WDR7: variants seen among roughly 807,000 people sequenced by gnomAD.
WDR7 encodes the protein WD repeat-containing protein 7.
A neutral mutation model predicts 169.4 loss-of-function variants in WDR7; 46 were observed. That is an observed-to-expected ratio of 0.27 (90% CI 0.21 to 0.35). WDR7 has a LOEUF of 0.35. Ranked by LOEUF, WDR7 falls within the 10% of genes least tolerant of loss-of-function variation. The probability of loss-of-function intolerance (pLI) is 1.00; values close to 1 mark genes in which losing one functional copy is unlikely to be tolerated. For missense variants in WDR7, 1,534 were observed against 1,859.3 expected (o/e 0.83, Z 3.22); for synonymous variants, 612 against 666.8 (o/e 0.92, Z 1.27).
In WDR7 at chr18:56,756,779, A is replaced by G; in HGVS notation, c.2186A>G (p.Lys729Arg). The change falls in exon 15 of 28, where the codon AAA becomes AGA. Residue 729 changes from lysine (K) to arginine (R), a missense_variant. Physicochemically the swap from Lys to Arg is conservative, Grantham distance 26. Coordinates refer to ENST00000254442, the MANE Select transcript of WDR7 (RefSeq NM_015285.3). ...CAAAAAGCATCTGGCAGTTCAGACA[A>G]AGGGGGCTCTTTTTTAACTGGAAAA... ...NLQKASGSSD[K>R]GGSFLTGKRA... The G allele has an allele frequency of 6.2e-7, 1 of 1,614,092 alleles. No individual in the cohort carries two copies. Among genetic ancestry groups the G allele is most frequent in the East Asian group, 2.2e-5 (1 of 44,872 alleles).
At chr18:56,986,128 T>TTGTGTGTGTGTGTGTGTG (rs60449836) in intron 26 of WDR7, among the ~76,000 whole-genome samples, 2 of 136,258 alleles carry the variant, frequency 1.5e-5, no homozygotes, top group African/African-American at 2.7e-5. Flanking sequence ...TTCAGCTTCT[T>TTGTGTGTGTGTGTGTGTG]TGTGTGTGTG....
chr18:56,832,851 C>G (rs1391462946), intron 20 of WDR7, among the ~76,000 whole-genome samples: 23 of 152,006 alleles, frequency 1.5e-4, no homozygotes, highest in Non-Finnish European at 1.2e-4. Context: ...CAGAAAACAC[C>G]AAAGTAGATA....
chr18:56,935,911 C>G lies in WDR7; in HGVS notation c.3831+6C>G, dbSNP rs916861791. 1 of 1,609,362 alleles carries G rather than the reference C, an allele frequency of 6.2e-7. No individual in the cohort carries two copies. Among genetic ancestry groups the G allele is most frequent in the Non-Finnish European group, 8.5e-7 (1 of 1,177,130 alleles). ...TCACCACCATAGCCAAAGAGGTGAG[C>G]GGAACTTCTCAGTGTGCTCCATCTT... is the stretch of plus-strand genomic sequence containing the variant. On this transcript the variant is annotated splice_donor_region_variant and intron_variant, in intron 23 of 27. Transcript: ENST00000254442.
At position 56,694,970 on chromosome 18, in the gene WDR7, A is replaced by T. The variant is rs765824913; in HGVS notation, c.1129A>T (p.Ile377Phe). Residue 377 changes from isoleucine to phenylalanine, a missense_variant, in exon 11 of 28, where the codon ATT (isoleucine) becomes TTT (phenylalanine). Physicochemically the swap from Ile to Phe is conservative, Grantham distance 21. Coordinates refer to ENST00000254442, the MANE Select transcript of WDR7 (RefSeq NM_015285.3). ...TACAGGGCTGGCAATGACAACTTCT[A>T]TTAGTTTGCAAGAGGCATTTGATAA... ...SEEGLAMTTS[I>F]SLQEAFDKLN... is the part of the protein sequence containing the mutation. 2.5e-6 allele frequency: 4 copies of T among 1,614,084 alleles called. No individual in the cohort carries two copies. The highest frequency in any genetic ancestry group is 3.4e-6 in the Non-Finnish European group (4 of 1,179,948).
At chr18:56,938,876 A>G (rs1346925391) in intron 24 of WDR7, among the ~76,000 whole-genome samples, 194 bp downstream of exon 24, 1 of 150,722 alleles carries the variant, frequency 6.6e-6, no homozygotes, top group East Asian at 1.9e-4. Context: ...CTTTTGTGCC[A>G]TTTCTGGAAG....
At chr18:56,831,622 G>A (rs1038361344) in intron 20 of WDR7, among the ~76,000 whole-genome samples, 8 of 151,924 alleles carry the variant, frequency 5.3e-5, no homozygotes, top group African/African-American at 1.9e-4. Context: ...TCTGCATTTC[G>A]AACTGAGGTA....
chr18:56,730,078 ACT>A (rs556346193), intron 13 of WDR7, among the ~76,000 whole-genome samples: 237 of 152,194 alleles, frequency 1.6e-3, no homozygotes, highest in African/African-American at 5.3e-3. Context: ...GAGGCTGCTA[ACT>A]CTATCTCTAT....
chr18:56,802,762 G>A (rs1177413836), intron 19 of WDR7, among the ~76,000 whole-genome samples: 1 of 152,022 alleles, frequency 6.6e-6, no homozygotes, highest in African/African-American at 2.4e-5. Flanking sequence ...TCTGCGGGTT[G>A]TTTTTCATTC....
chr18:56,939,418 A>T (rs775472731), intron 25 of WDR7, 25 bp downstream of exon 25: 1 of 1,496,530 alleles, frequency 6.7e-7, no homozygotes, highest in Non-Finnish European at 9.0e-7. Flanking sequence ...AAGAGCATGC[A>T]GAATAAATAA....
intron 2 of WDR7, among the ~76,000 whole-genome samples, chr18:56,676,453 G>C (rs557081155): frequency 3.9e-5 from 6 of 152,148 alleles, no homozygotes; most frequent in Admixed American, 2.6e-4. Flanking sequence ...GTTGTTTTGT[G>C]ATATTTATTT....
chr18:56,943,644 A>G (rs1044750213), intron 25 of WDR7, among the ~76,000 whole-genome samples: 31 of 152,200 alleles, frequency 2.0e-4, no homozygotes, highest in Non-Finnish European at 8.8e-5. Context: ...GTAATATATA[A>G]GTAAAAAACT....
chr18:56,888,126 C>T (rs1269341750), intron 21 of WDR7, among the ~76,000 whole-genome samples: 2 of 152,104 alleles, frequency 1.3e-5, no homozygotes, highest in East Asian at 1.9e-4. Context: ...CTGTGAAAAC[C>T]CATAATGTAG....
intron 26 of WDR7, among the ~76,000 whole-genome samples, chr18:57,006,962 T>A (rs1333165439): frequency 1.3e-5 from 2 of 152,036 alleles, no homozygotes; most frequent in Non-Finnish European, 2.9e-5. Flanking sequence ...TTTAATTCCT[T>A]TTTTGTTATC....
intron 21 of WDR7, among the ~76,000 whole-genome samples, chr18:56,906,286 C>T (rs1341403130): frequency 6.6e-6 from 1 of 152,072 alleles, no homozygotes; most frequent in Non-Finnish European, 1.5e-5. Flanking sequence ...GAACTGATTT[C>T]TTCAAGAAAA....
intron 1 of WDR7, among the ~76,000 whole-genome samples, chr18:56,665,688 A>T (rs899575717): frequency 2.0e-4 from 30 of 152,176 alleles, no homozygotes; most frequent in Admixed American, 1.8e-3. Flanking sequence ...AGACATTTTC[A>T]AATATATAAA....
At position 56,973,111 on chromosome 18, in the gene WDR7, A is replaced by G. The variant is rs376322944; in HGVS notation, c.4164+10582A>G. Reference sequence around the variant, plus strand: ...TCAAACTCCTGACCTCAAGTGATCAAGTGATCCGCCTACCTCATCCTACCA... The same window carrying G: ...TCAAACTCCTGACCTCAAGTGATCAGGTGATCCGCCTACCTCATCCTACCA... On this transcript the variant is annotated intron_variant, in intron 26 of 27. Transcript: ENST00000254442. 5.3e-5 allele frequency among the ~76,000 whole-genome samples: 8 copies of G among 152,192 alleles called. No individual in the cohort carries two copies. In the South Asian group the frequency reaches 6.2e-4, roughly 12 times the overall value.
intron 16 of WDR7, among the ~76,000 whole-genome samples, chr18:56,770,199 C>A (rs2044131655): frequency 6.6e-6 from 1 of 152,174 alleles, no homozygotes; most frequent in African/African-American, 2.4e-5. Flanking sequence ...AGAAAATCCA[C>A]AGGAGTGCAA....
At chr18:56,961,025 G>A (rs1192715210) in intron 25 of WDR7, among the ~76,000 whole-genome samples, 2 of 152,042 alleles carry the variant, frequency 1.3e-5, no homozygotes, top group African/African-American at 4.8e-5. Context: ...AAGGGGAGGA[G>A]GTTGGTTATT....
At chr18:57,013,483 T>G (rs2048165749) in intron 26 of WDR7, among the ~76,000 whole-genome samples, 1 of 152,212 alleles carries the variant, frequency 6.6e-6, no homozygotes, top group East Asian at 1.9e-4. Context: ...ATTAAAGTAT[T>G]ACGTTATATG....
Sources: gnomAD v4.1 joint callset for allele counts (sites outside exome capture counted in the v4.1 genomes callset) on GRCh38, gnomAD v4.1.1 for gene constraint, MANE v1.5 for transcripts, NCBI Gene and HGNC (gene_info 2026-07-23, HGNC 2026-07-21) for gene names.